Variants in CLN6 observed in about 807,000 individuals in gnomAD.
The protein encoded by CLN6 is ceroid-lipofuscinosis neuronal protein 6.
In CLN6, 22 loss-of-function variants were observed where a neutral mutation model predicts 33.3. The observed-to-expected ratio is 0.66, with a 90% CI of 0.47 to 0.94. The LOEUF is 0.94. Ranked by LOEUF, CLN6 falls within the 40% of genes least tolerant of loss-of-function variation. The pLI is 0.00. For synonymous variants in CLN6, 201 were observed against 174.6 expected (o/e 1.15, Z -1.19); for missense variants, 387 against 417.1 (o/e 0.93, Z 0.63).
intron 1 of CLN6, among the ~76,000 whole-genome samples, chr15:68,255,208 C>T (rs1321984993): frequency 6.6e-6 from 1 of 152,172 alleles, no homozygotes; most frequent in Non-Finnish European, 1.5e-5. Context: ...ACAAAAGCCT[C>T]GTGGGACGGA....
chr15:68,245,133 T>G (rs1206561194), intron 1 of CLN6, among the ~76,000 whole-genome samples: 3 of 142,028 alleles, frequency 2.1e-5, no homozygotes, highest in African/African-American at 7.8e-5. Flanking sequence ...AGTGCAGAGG[T>G]TTTTTTTTTT....
At chr15:68,217,838 G>A (rs146991820) in intron 2 of CLN6, among the ~76,000 whole-genome samples, 12 of 151,920 alleles carry the variant, frequency 7.9e-5, no homozygotes, top group Non-Finnish European at 1.2e-4. Flanking sequence ...TTTTCTTCAC[G>A]TTCGTCTATT....
In CLN6 at chr15:68,211,788, T is replaced by C. The variant is rs772893554; in HGVS notation, c.373A>G (p.Ser125Gly). Residue 125 changes from serine (S) to glycine (G), a missense_variant, in exon 4 of 7, where the codon AGC becomes GGC. Coordinates refer to ENST00000249806, the MANE Select transcript of CLN6 (RefSeq NM_017882.3). This position sits in a 1 kb window ranked among gnomAD's most constrained non-coding sequence, Gnocchi z 5.9. Reference protein sequence around the residue: ...VSIIIFIMGASIHLVGDSVNH... With the variant: ...VSIIIFIMGAGIHLVGDSVNH... ...ACAGAGTCACCCACCAGGTGGATGC[T>C]GGCACCCATGATGAAGATGATGATG... 7 of 1,613,974 alleles carry C rather than the reference T, an allele frequency of 4.3e-6. No homozygotes were observed. The highest frequency in any genetic ancestry group is 5.9e-6 in the Non-Finnish European group (7 of 1,180,006).
chr15:68,211,229 G>T lies in CLN6; in HGVS notation c.542+34C>A. On this transcript the variant is annotated intron_variant, in intron 5 of 6. Coordinates refer to ENST00000249806, the MANE Select transcript of CLN6 (RefSeq NM_017882.3). This position sits in a 1 kb window ranked among gnomAD's most constrained non-coding sequence, Gnocchi z 5.9. Reference sequence around the variant, plus strand: ...GTGACAGGGCTAGCCGGTAGTTGGGGCCCCTGGGATAGACAGATGGGCCCA... The same window carrying T: ...GTGACAGGGCTAGCCGGTAGTTGGGTCCCCTGGGATAGACAGATGGGCCCA... 1.2e-6 allele frequency: 2 copies of T among 1,604,860 alleles called. No homozygotes were observed. Among genetic ancestry groups the T allele is most frequent in the South Asian group, 1.1e-5 (1 of 90,902 alleles).
chr15:68,225,647 T>C (rs1021685834), intron 1 of CLN6, among the ~76,000 whole-genome samples: 6 of 152,162 alleles, frequency 3.9e-5, no homozygotes, highest in African/African-American at 1.4e-4. Flanking sequence ...CTGTCACACA[T>C]GGCTAATTTT....
intron 1 of CLN6, among the ~76,000 whole-genome samples, chr15:68,223,112 G>A (rs563691846): frequency 2.0e-5 from 3 of 150,642 alleles, no homozygotes; most frequent in Non-Finnish European, 3.0e-5. Flanking sequence ...AAACACCCAA[G>A]AATGATCAAT....
intron 2 of CLN6, 139 bp downstream of exon 2, chr15:68,218,397 T>C: frequency 1.4e-6 from 1 of 699,608 alleles, no homozygotes; most frequent in East Asian, 2.9e-5. Context: ...GAGCTAAGGA[T>C]ATGAAGGCAT....
rs550547443 is a variant in CLN6, at chr15:68,242,633, C to T, written c.179+14057G>A. 9.9e-5 allele frequency among the ~76,000 whole-genome samples: 15 copies of T among 152,108 alleles called. No homozygotes were observed. Among genetic ancestry groups the T allele is most frequent in the East Asian group, 5.8e-4 (3 of 5,194 alleles). On this transcript the variant is annotated intron_variant, in intron 1 of 6. Coordinates refer to the CLN6 transcript ENST00000538696. The surrounding 1 kb of genome is among the most constrained non-coding windows in gnomAD (Gnocchi z 5.0). ...ATAGAAACTAATGCCTTTTTGTTCACGTGACTTTAGTAACCTTTTGGAAAT... is the reference window on the plus strand; with the variant it reads ...ATAGAAACTAATGCCTTTTTGTTCATGTGACTTTAGTAACCTTTTGGAAAT...
Position 68,227,475 on chromosome 15 carries a change from G to A in CLN6, c.83+2027C>T, listed in dbSNP as rs1044982462. ...AAGCATCCTAGGAACTGGACAGGAT[G>A]ATTCTGCCTACTCTCTTGAGCAGCA... On this transcript the variant is annotated intron_variant, in intron 1 of 6. Coordinates refer to ENST00000249806, the MANE Select transcript of CLN6 (RefSeq NM_017882.3). This position sits in a 1 kb window ranked among gnomAD's most constrained non-coding sequence, Gnocchi z 4.1. Among the ~76,000 whole-genome samples, 6 of 152,228 alleles carry A rather than the reference G, an allele frequency of 3.9e-5. No homozygotes were observed. Among genetic ancestry groups the A allele is most frequent in the African/African-American group, 1.4e-4 (6 of 41,462 alleles).
intron 1 of CLN6, among the ~76,000 whole-genome samples, chr15:68,223,063 A>G (rs1320811918): frequency 6.6e-6 from 1 of 152,040 alleles, no homozygotes; most frequent in Non-Finnish European, 1.5e-5. Flanking sequence ...CCTTCTCTCC[A>G]CTATTATCCT....
At chr15:68,217,705 T>G (rs1192008790) in intron 2 of CLN6, among the ~76,000 whole-genome samples, 2 of 152,210 alleles carry the variant, frequency 1.3e-5, no homozygotes, top group Non-Finnish European at 2.9e-5. Context: ...CTTTTGGCTC[T>G]ATGACTGTGG....
Position 68,247,310 on chromosome 15 carries a change from A to G in CLN6, c.179+9380T>C, listed in dbSNP as rs757415163. ...GTTAGAACTGATAAACAAATGCAGT[A>G]AAGTCGCTGGATACAAAATCAACAG... On this transcript the variant is annotated intron_variant, in intron 1 of 6. Transcript: ENST00000538696. This position sits in a 1 kb window ranked among gnomAD's most constrained non-coding sequence, Gnocchi z 4.2. Among the ~76,000 whole-genome samples the G allele has an allele frequency of 3.9e-5, 6 of 152,210 alleles. No homozygotes were observed. The highest frequency in any genetic ancestry group is 7.2e-5 in the African/African-American group (3 of 41,418).
At chr15:68,229,767 A>AGCGGAGCGGAGCGGAGGGAGGCGGG (rs1555440245), upstream of CLN6, 138 of 318,964 alleles carry the variant, frequency 4.3e-4, 1 homozygote, top group East Asian at 1.9e-3. Context: ...AGCGGAGCGG[A>AGCGGAGCGGAGCGGAGGGAGGCGGG]GCGGAGCGGA....
rs546265391 is a variant in CLN6 at position 68,242,711 on chromosome 15, A to G, written c.179+13979T>C. Reference sequence around the variant, plus strand: ...AATAAAATGTCTTGAAAGTGTAGACATTTGGTTTAAATTAAGGTCAGATAT... The same window carrying G: ...AATAAAATGTCTTGAAAGTGTAGACGTTTGGTTTAAATTAAGGTCAGATAT... On this transcript the variant is annotated intron_variant, in intron 1 of 6. Coordinates refer to the CLN6 transcript ENST00000538696. This position sits in a 1 kb window ranked among gnomAD's most constrained non-coding sequence, Gnocchi z 5.0. Among the ~76,000 whole-genome samples, 12 of 152,290 alleles carry G rather than the reference A, an allele frequency of 7.9e-5. No homozygotes were observed. Among genetic ancestry groups the G allele is most frequent in the African/African-American group, 2.9e-4 (12 of 41,566 alleles).
In CLN6 at chr15:68,229,603, T is replaced by C. The variant is rs1269813476; in HGVS notation, c.-19A>G. 10 of 1,453,838 alleles carry C rather than the reference T, an allele frequency of 6.9e-6. No homozygotes were observed. The highest frequency in any genetic ancestry group is 9.0e-6 in the Non-Finnish European group (10 of 1,105,988). The allele number at this position is 1,453,838 out of a possible 1,614,324, so 90.1% of individuals were successfully genotyped here. On this transcript the variant is annotated 5_prime_UTR_variant, in exon 1 of 7. Transcript: ENST00000249806. Reference sequence around the variant, plus strand: ...CCTCCATGGCTGCCCCGCAGGCCCCTCGGCCCTGCCTTTCCGAGGAAGAGA... The same window carrying C: ...CCTCCATGGCTGCCCCGCAGGCCCCCCGGCCCTGCCTTTCCGAGGAAGAGA...
intron 1 of CLN6, among the ~76,000 whole-genome samples, chr15:68,253,562 T>G (rs2141167627): frequency 6.6e-6 from 1 of 152,356 alleles, no homozygotes; most frequent in African/African-American, 2.4e-5. Flanking sequence ...TTAGAACCAC[T>G]GTTTAATAAT....
chr15:68,208,094 G>GGGGCCC lies in CLN6; in HGVS notation c.*45_*46insGGGCCC. On this transcript the variant is annotated 3_prime_UTR_variant, in exon 7 of 7. Coordinates refer to ENST00000249806, the MANE Select transcript of CLN6 (RefSeq NM_017882.3). This position sits in a 1 kb window ranked among gnomAD's most constrained non-coding sequence, Gnocchi z 5.8. ...CTCCTGTATTCAGATGCCCTCCATG[G>GGGGCCC]CCCACCCTCCCACCCAGCAGAGCGC... is the stretch of plus-strand genomic sequence containing the variant. The GGGGCCC allele has an allele frequency of 6.5e-6, 9 of 1,375,262 alleles. No individual in the cohort carries two copies. Among genetic ancestry groups the GGGGCCC allele is most frequent in the Non-Finnish European group, 9.1e-6 (9 of 992,010 alleles). The allele number at this position is 1,375,262 out of a possible 1,614,324, so 85.2% of individuals were successfully genotyped here.
upstream of CLN6, among the ~76,000 whole-genome samples, chr15:68,234,588 C>A (rs1017565295): frequency 6.6e-5 from 10 of 152,146 alleles, no homozygotes; most frequent in African/African-American, 2.4e-4. This position sits in a 1 kb window ranked among gnomAD's most constrained non-coding sequence, Gnocchi z 4.1. Flanking sequence ...CCATGACAGC[C>A]CAGAGCTGAA....
At position 68,218,619 on chromosome 15, in the gene CLN6, G is replaced by C. The variant is rs142260866; in HGVS notation, c.115C>G (p.Arg39Gly). 18 of 1,613,678 alleles carry C rather than the reference G, an allele frequency of 1.1e-5. No homozygotes were observed. The highest frequency in any genetic ancestry group is 1.4e-5 in the Non-Finnish European group (16 of 1,179,890). Residue 39 changes from arginine (R) to glycine (G), a missense_variant, in exon 2 of 7, where the codon CGC (arginine) becomes GGC (glycine). Arg to Gly is a moderately radical substitution (Grantham distance 125). Transcript: ENST00000249806. ...AGGTCGAGGTGGAAGGGAGCCGTGC[G>C]GGCAGCCTCATCAGCGCTCACAGAG... ...HGSVSADEAA[R>G]TAPFHLDLWF...
Sources: gnomAD v4.1 joint callset for allele counts (sites outside exome capture counted in the v4.1 genomes callset) on GRCh38, gnomAD v4.1.1 for gene constraint, Gnocchi (gnomAD v3.1) non-coding constraint, MANE v1.5 for transcripts, NCBI Gene and HGNC (gene_info 2026-07-23, HGNC 2026-07-21) for gene names.